ITGA2: variants seen among roughly 807,000 people sequenced by gnomAD.
ITGA2 encodes integrin subunit alpha 2, also known as integrin alpha-2.
A neutral mutation model predicts 146.3 loss-of-function variants in ITGA2; 101 were observed. The observed-to-expected ratio is 0.69, with a 90% confidence interval of 0.59 to 0.81. The LOEUF is 0.81. Ranked by LOEUF, ITGA2 falls within the 40% of genes least tolerant of loss-of-function variation. ITGA2 has a pLI of 0.00. For synonymous variants in ITGA2, 477 were observed against 487.1 expected (o/e 0.98, Z 0.27); for missense variants, 1,281 against 1,402.7 (o/e 0.91, Z 1.39).
intron 25 of ITGA2, 145 bp from the exon 26 acceptor site, chr5:53,081,447 A>G: frequency 1.4e-6 from 1 of 702,428 alleles, no homozygotes; most frequent in South Asian, 1.5e-5. Context: ...GATTATATGA[A>G]GTGTGGCCAG....
At chr5:53,007,778 A>G (rs1561085955) in intron 1 of ITGA2, among the ~76,000 whole-genome samples, 1 of 152,166 alleles carries the variant, frequency 6.6e-6, no homozygotes, top group Admixed American at 6.5e-5. Context: ...ATTAGAGGCA[A>G]TTGCAATGGG....
Position 53,072,126 on chromosome 5 carries a change from G to T in ITGA2, c.2346+78G>T, listed in dbSNP as rs3212581. On this transcript the variant is annotated intron_variant, in intron 18 of 29. Transcript: ENST00000296585. ...TCACTGCAATAGTGTCTGAAGGATG[G>T]TTAGGATGCAGCCTGAAAATTCTTA... 8.4e-3 allele frequency: 8,491 copies of T among 1,008,914 alleles called. 492 individuals are homozygous for T. The African/African-American group carries it at 0.12, about 14-fold the overall frequency. The allele number at this position is 1,008,914 out of a possible 1,614,324, so 62.5% of individuals were successfully genotyped here. A position where few individuals can be genotyped will look rare whatever the true frequency, so the allele number is the denominator to read the frequency against.
intron 24 of ITGA2, among the ~76,000 whole-genome samples, chr5:53,079,584 A>G (rs1170162160): frequency 1.3e-5 from 2 of 152,132 alleles, no homozygotes; most frequent in African/African-American, 2.4e-5. Flanking sequence ...AGCCAATACC[A>G]TTTTATTTTT....
intron 6 of ITGA2, among the ~76,000 whole-genome samples, chr5:53,049,155 G>C (rs1181472919): frequency 6.6e-6 from 1 of 151,998 alleles, no homozygotes; most frequent in Non-Finnish European, 1.5e-5. Context: ...GGTATTACAG[G>C]CTCCTGCCAC....
In ITGA2 at chr5:53,073,277, G is replaced by A; in HGVS notation, c.2571+18G>A. The A allele has an allele frequency of 3.7e-6, 6 of 1,611,446 alleles. No individual in the cohort carries two copies. Among genetic ancestry groups the A allele is most frequent in the Non-Finnish European group, 5.1e-6 (6 of 1,178,120 alleles). ...CCCTGCCGGTATGTGATGAGACCCT[G>A]TACTTACTTCCACCATGCTTCCTAC... On this transcript the variant is annotated intron_variant, in intron 20 of 29. Coordinates refer to ENST00000296585, the MANE Select transcript of ITGA2 (RefSeq NM_002203.4).
intron 4 of ITGA2, among the ~76,000 whole-genome samples, chr5:53,045,673 A>C (rs1286556395): frequency 6.6e-6 from 1 of 150,964 alleles, no homozygotes; most frequent in African/African-American, 2.4e-5. Flanking sequence ...AAGTTAATAT[A>C]AAAAAACTAG....
At chr5:53,011,739 G>A (rs574949358) in intron 1 of ITGA2, among the ~76,000 whole-genome samples, 4 of 152,056 alleles carry the variant, frequency 2.6e-5, no homozygotes, top group East Asian at 1.9e-4. Flanking sequence ...ATGTGAGTGG[G>A]GGGGAGTGAG....
At chr5:53,009,512 G>A (rs1226891639) in intron 1 of ITGA2, among the ~76,000 whole-genome samples, 1 of 152,102 alleles carries the variant, frequency 6.6e-6, no homozygotes, top group South Asian at 2.1e-4. Context: ...GAGGAACTTG[G>A]ATATTTAGCT....
intron 28 of ITGA2, among the ~76,000 whole-genome samples, chr5:53,087,703 A>G (rs1740172686): frequency 6.6e-6 from 1 of 151,772 alleles, no homozygotes; most frequent in Non-Finnish European, 1.5e-5. Context: ...AGCTGGCATG[A>G]GATAATTTTC....
At chr5:53,078,055 G>A (rs1212125240) in intron 23 of ITGA2, among the ~76,000 whole-genome samples, 1 of 152,078 alleles carries the variant, frequency 6.6e-6, no homozygotes, top group East Asian at 1.9e-4. Context: ...TCTAGTCTGA[G>A]TGGTCCTATG....
intron 1 of ITGA2, among the ~76,000 whole-genome samples, chr5:52,994,785 A>G (rs1003990730): frequency 6.6e-6 from 1 of 152,210 alleles, no homozygotes; most frequent in Non-Finnish European, 1.5e-5. Flanking sequence ...GAGCTGTAAC[A>G]TCAGTTTCCA....
intron 4 of ITGA2, among the ~76,000 whole-genome samples, chr5:53,045,489 G>C (rs1418679776): frequency 6.6e-6 from 1 of 152,102 alleles, no homozygotes; most frequent in Non-Finnish European, 1.5e-5. Flanking sequence ...GAGTAATCTG[G>C]TGTTATCTGA....
intron 1 of ITGA2, among the ~76,000 whole-genome samples, chr5:53,016,880 T>C (rs563050479): frequency 2.0e-5 from 3 of 152,368 alleles, no homozygotes; most frequent in Admixed American, 6.5e-5. Context: ...ATTCTGCTGT[T>C]AATACTTGTG....
chr5:53,081,427 T>C (rs1245155754), intron 25 of ITGA2, among the ~76,000 whole-genome samples, 165 bp from the exon 26 acceptor site: 1 of 152,182 alleles, frequency 6.6e-6, no homozygotes, highest in Non-Finnish European at 1.5e-5. Flanking sequence ...ATACTTGATG[T>C]TCACCTAGAG....
chr5:53,057,815 GTGT>G (rs1376743732), intron 9 of ITGA2, among the ~76,000 whole-genome samples: 1 of 151,886 alleles, frequency 6.6e-6, no homozygotes, highest in Non-Finnish European at 1.5e-5. Flanking sequence ...TACCTTGGAA[GTGT>G]TGTTATTTCC....
At chr5:53,082,153 T>A (rs531688567) in intron 26 of ITGA2, among the ~76,000 whole-genome samples, 2 of 152,336 alleles carry the variant, frequency 1.3e-5, no homozygotes, top group East Asian at 3.9e-4. Flanking sequence ...TTCTCTGTTT[T>A]TCAATATTTT....
In ITGA2 at chr5:53,044,716, G is replaced by T. The variant is rs569428464; in HGVS notation, c.296-285G>T. Among the ~76,000 whole-genome samples the T allele has an allele frequency of 2.0e-5, 3 of 151,544 alleles. No individual in the cohort carries two copies. In the East Asian group the frequency reaches 5.8e-4, roughly 29 times the overall value. On this transcript the variant is annotated intron_variant, in intron 3 of 29. Transcript: ENST00000296585. ...GATGTCCTCAAATGTGTTTTGTTTT[G>T]CTAGAATATTGTAAAAAAAATCATA...
intron 1 of ITGA2, among the ~76,000 whole-genome samples, chr5:52,999,553 T>C (rs935600952): frequency 2.0e-5 from 3 of 152,068 alleles, no homozygotes; most frequent in Admixed American, 6.5e-5. Flanking sequence ...TTGATACCCT[T>C]TGCCCACCAA....
chr5:53,059,962 A>C lies in ITGA2; in HGVS notation c.1262A>C (p.Lys421Thr), dbSNP rs2111959038. ...TCTCATGGCCATTTGATCTTTCCTA[A>C]ACAAGCCTTTGACCAAATTCTGCAG... ...KTSHGHLIFP[K>T]QAFDQILQDR... Residue 421 changes from lysine to threonine, a missense_variant, in exon 11 of 30, where the codon AAA becomes ACA. By Grantham distance (78) the Lys-to-Thr change is moderately conservative (BLOSUM62 -1). This residue lies in a region of ITGA2 where 795 missense variants were observed against 841.7 expected (regional missense o/e 0.94). Transcript: ENST00000296585. 2 of 1,612,358 alleles carry C rather than the reference A, an allele frequency of 1.2e-6. No homozygotes were observed. The highest frequency in any genetic ancestry group is 4.5e-5 in the East Asian group (2 of 44,750).
Sources: allele counts gnomAD v4.1 joint callset (sites outside exome capture counted in the v4.1 genomes callset), GRCh38; gene constraint gnomAD v4.1.1; regional missense constraint gnomAD v4.1.1; transcripts MANE v1.5; gene names NCBI Gene and HGNC (gene_info 2026-07-23, HGNC 2026-07-21).